The following PRR14L variants were observed in gnomAD, a reference collection of about 807,000 sequenced individuals.
PRR14L encodes proline rich 14 like.
Under a neutral mutation model 155.0 loss-of-function variants are expected in PRR14L, and 80 were observed. The observed-to-expected ratio is 0.52, with a 90% CI of 0.43 to 0.62. PRR14L has a LOEUF of 0.62. Ranked by LOEUF, PRR14L falls within the 20% of genes least tolerant of loss-of-function variation. PRR14L has a pLI of 0.00. For missense variants in PRR14L, 2,469 were observed against 2,548.0 expected, an observed-to-expected ratio of 0.97 and a Z score of 0.67; for synonymous variants, 883 against 916.0, an observed-to-expected ratio of 0.96 and a Z score of 0.65.
intron 4 of PRR14L, among the ~76,000 whole-genome samples, chr22:31,711,549 G>A (rs2074622165): frequency 6.6e-6 from 1 of 151,910 alleles, no homozygotes; most frequent in African/African-American, 2.4e-5. Context: ...GGGAGGCCGA[G>A]GCAGGTGGAT....
chr22:31,693,540 T>C (rs923590135), intron 7 of PRR14L, among the ~76,000 whole-genome samples: 11 of 152,252 alleles, frequency 7.2e-5, no homozygotes, highest in African/African-American at 2.4e-4. Flanking sequence ...AACATTTATG[T>C]ACAGATTTTG....
chr22:31,715,168 G>T lies in PRR14L; in HGVS notation c.2671C>A (p.His891Asn), dbSNP rs1020790357. ...LNSGISNKTI[H>N]TSSSIKLSEE... The stretch of plus-strand genomic sequence containing the variant: ...CTGAGTTTGATGCTACTGGAGGTGT[G>T]AATGGTTTTGTTTGAAATTCCACTA... Residue 891 changes from histidine (H) to asparagine (N), a missense_variant, in exon 4 of 9, where the codon CAC becomes AAC. His to Asn is a moderately conservative substitution (Grantham distance 68). Transcript: ENST00000327423. 4 of 1,551,754 alleles carry T rather than the reference G, an allele frequency of 2.6e-6. No homozygotes were observed. Among genetic ancestry groups the T allele is most frequent in the Non-Finnish European group, 3.5e-6 (4 of 1,146,936 alleles).
At chr22:31,693,417 A>C (rs939569445) in intron 7 of PRR14L, among the ~76,000 whole-genome samples, 2 of 152,160 alleles carry the variant, frequency 1.3e-5, no homozygotes, top group Non-Finnish European at 1.5e-5. Context: ...TTGATAGCTA[A>C]TTCCTTTTTA....
chr22:31,722,635 G>A (rs149158755), intron 3 of PRR14L, among the ~76,000 whole-genome samples: 5,099 of 150,648 alleles, frequency 0.034, 268 homozygotes, highest in African/African-American at 0.12. Context: ...CCATTCTCTC[G>A]CCTCAGCCTC....
chr22:31,749,251 T>C (rs2074858183), intron 1 of PRR14L, among the ~76,000 whole-genome samples: 1 of 152,056 alleles, frequency 6.6e-6, no homozygotes, highest in African/African-American at 2.4e-5. Context: ...TTTGCAACGA[T>C]TACACTCCAA....
rs2074805928 is a variant in PRR14L, at chr22:31,740,355, G to A, written c.-51-1444C>T. Among the ~76,000 whole-genome samples, 3 of 152,186 alleles carry A rather than the reference G, an allele frequency of 2.0e-5. No individual in the cohort carries two copies. The South Asian group carries it at 6.2e-4, about 31-fold the overall frequency. The stretch of plus-strand genomic sequence containing the variant: ...CTGCCTCTGCCTCCAGAGTAGCTGG[G>A]ACTACAGGCGTGTGCCACCACGCCC... On this transcript the variant is annotated intron_variant, in intron 1 of 8. Coordinates refer to ENST00000327423, the MANE Select transcript of PRR14L (RefSeq NM_173566.3).
chr22:31,715,236 G>C lies in PRR14L; in HGVS notation c.2603C>G (p.Pro868Arg). The C allele has an allele frequency of 1.3e-6, 2 of 1,552,268 alleles. No homozygotes were observed. The highest frequency in any genetic ancestry group is 1.7e-6 in the Non-Finnish European group (2 of 1,147,138). ...LDGKETNGSL[P>R]GDKIRNKMVA... ...CATTTTGTTTCTGATCTTATCTCCTGGAAGGCTGCCATTCGTTTCTTTCCC... is the reference window on the plus strand; with the variant it reads ...CATTTTGTTTCTGATCTTATCTCCTCGAAGGCTGCCATTCGTTTCTTTCCC... Residue 868 changes from proline to arginine, a missense_variant, in exon 4 of 9, where the codon CCA becomes CGA. Pro to Arg is a moderately radical substitution (Grantham distance 103). Coordinates refer to ENST00000327423, the MANE Select transcript of PRR14L (RefSeq NM_173566.3).
In PRR14L at chr22:31,684,203, C is replaced by G. The variant is rs2074469816; in HGVS notation, c.*1324G>C. The G allele has an allele frequency of 6.6e-6, 1 of 152,476 alleles. No homozygotes were observed. Among genetic ancestry groups the G allele is most frequent in the Non-Finnish European group, 1.5e-5 (1 of 68,102 alleles). 9.4% of individuals were successfully genotyped at this position (152,476 alleles called of 1,614,324 possible). ...CCCTCTGCCCACAGACTCCTGCAGG[C>G]ACAAACCCAGAAACTCGGCTAACTC... On this transcript the variant is annotated 3_prime_UTR_variant, in exon 9 of 9. Transcript: ENST00000327423.
intron 4 of PRR14L, among the ~76,000 whole-genome samples, chr22:31,709,283 C>T (rs1197598152): frequency 2.0e-4 from 30 of 149,706 alleles, no homozygotes; most frequent in Admixed American, 1.2e-3. Context: ...GACAGAATCC[C>T]GCTCTGTTGC....
At chr22:31,694,548 C>A (rs1215774181) in intron 7 of PRR14L, among the ~76,000 whole-genome samples, 1 of 151,712 alleles carries the variant, frequency 6.6e-6, no homozygotes, top group Non-Finnish European at 1.5e-5. Flanking sequence ...GAGATCGAGA[C>A]CATCCTGGCT....
chr22:31,747,007 A>T lies in PRR14L; in HGVS notation c.-52+2986T>A, dbSNP rs1451906300. ...TTTTAGTAGAGACGGGGTTTCACTGAGTTAGCCAGGATGGTCTTGATCTCC... is the reference window on the plus strand; with the variant it reads ...TTTTAGTAGAGACGGGGTTTCACTGTGTTAGCCAGGATGGTCTTGATCTCC... On this transcript the variant is annotated intron_variant, in intron 1 of 8. Transcript: ENST00000327423. Among the ~76,000 whole-genome samples the T allele has an allele frequency of 1.1e-4, 16 of 151,508 alleles. No homozygotes were observed. In the East Asian group the frequency reaches 2.9e-3, roughly 28 times the overall value.
chr22:31,736,660 T>G (rs2074783368), intron 2 of PRR14L, among the ~76,000 whole-genome samples: 1 of 152,110 alleles, frequency 6.6e-6, no homozygotes, highest in Non-Finnish European at 1.5e-5. Flanking sequence ...TAATAAAGTT[T>G]TATTGGAATA....
chr22:31,701,542 T>C, intron 7 of PRR14L, 114 bp downstream of exon 7: 1 of 602,090 alleles, frequency 1.7e-6, no homozygotes, highest in Non-Finnish European at 2.9e-6. Context: ...TTAGGATAAA[T>C]TCCTAGAAAT....
rs1372921495 is a variant in PRR14L, at chr22:31,715,661, G to A, written c.2178C>T (p.Ala726=). 3 of 1,552,162 alleles carry A rather than the reference G, an allele frequency of 1.9e-6. No individual in the cohort carries two copies. The highest frequency in any genetic ancestry group is 2.6e-6 in the Non-Finnish European group (3 of 1,147,008). Residue 726 remains alanine (A), a synonymous_variant, in exon 4 of 9, where the codon GCC becomes GCT. Coordinates refer to ENST00000327423, the MANE Select transcript of PRR14L (RefSeq NM_173566.3). ...ISPPGNQTCG[A]SSNCPTLNIK... ...TGTTTAAGGTGGGACAGTTTGAAGA[G>A]GCACCACAGGTTTGGTTACCTGGTG...
chr22:31,683,061 G>T lies in PRR14L; in HGVS notation c.*2466C>A, dbSNP rs1297108003. On this transcript the variant is annotated 3_prime_UTR_variant, in exon 9 of 9. Coordinates refer to ENST00000327423, the MANE Select transcript of PRR14L (RefSeq NM_173566.3). Reference sequence around the variant, plus strand: ...GGGGAAGGGACCTAGCTAGAGGGTAGGTCCAGAATTTCAACGACGGGCAGG... The same window carrying T: ...GGGGAAGGGACCTAGCTAGAGGGTATGTCCAGAATTTCAACGACGGGCAGG... 1 of 152,228 alleles carries T rather than the reference G, an allele frequency of 6.6e-6. No homozygotes were observed. The allele number at this position is 152,228 out of a possible 1,614,324, so 9.4% of individuals were successfully genotyped here.
intron 3 of PRR14L, among the ~76,000 whole-genome samples, chr22:31,723,128 AG>A (rs1290433691): frequency 6.6e-6 from 1 of 152,158 alleles, no homozygotes; most frequent in Non-Finnish European, 1.5e-5. Context: ...AGAATGAACT[AG>A]GCCATTGCTG....
At chr22:31,706,279 C>CT (rs1228888616) in intron 4 of PRR14L, among the ~76,000 whole-genome samples, 2 of 147,612 alleles carry the variant, frequency 1.4e-5, no homozygotes. Context: ...AGGAGAACTG[C>CT]TTGAACCCAG....
Position 31,716,182 on chromosome 22 carries a change from C to T in PRR14L, c.1657G>A (p.Gly553Ser), listed in dbSNP as rs2147865199. The T allele has an allele frequency of 6.4e-7, 1 of 1,551,518 alleles. No individual in the cohort carries two copies. The highest frequency in any genetic ancestry group is 1.2e-5 in the South Asian group (1 of 84,048). The change falls in exon 4 of 9, where the codon GGC becomes AGC. Residue 553 changes from glycine (G) to serine (S), a missense_variant. Physicochemically the swap from Gly to Ser is moderately conservative, Grantham distance 56 (BLOSUM62 0). Coordinates refer to ENST00000327423, the MANE Select transcript of PRR14L (RefSeq NM_173566.3). Reference sequence around the variant, plus strand: ...GATGCTTCATTTAACTGGGTGTTGCCTTCCAGATTTCTCTGGATGCTGACT... The same window carrying T: ...GATGCTTCATTTAACTGGGTGTTGCTTTCCAGATTTCTCTGGATGCTGACT... ...SLVSIQRNLE[G>S]NTQLNEASCN...
At chr22:31,688,498 C>G (rs574120134) in intron 7 of PRR14L, among the ~76,000 whole-genome samples, 1 of 151,722 alleles carries the variant, frequency 6.6e-6, no homozygotes, top group East Asian at 1.9e-4. Flanking sequence ...ACTTATTTCC[C>G]AATGCTATCC....
Sources: gnomAD v4.1 joint callset for allele counts (sites outside exome capture counted in the v4.1 genomes callset) on GRCh38, gnomAD v4.1.1 for gene constraint, MANE v1.5 for transcripts, NCBI Gene and HGNC (gene_info 2026-07-23, HGNC 2026-07-21) for gene names.